The following DYNLRB2 variants were observed in gnomAD, a reference collection of about 807,000 sequenced individuals.
DYNLRB2 encodes the protein dynein light chain roadblock-type 2.
Under a neutral mutation model 12.6 loss-of-function variants are expected in DYNLRB2, and 14 were observed. The ratio of observed to expected loss-of-function variants is 1.11; its 90% CI spans 0.73 to 1.73. DYNLRB2 has a LOEUF of 1.73. DYNLRB2 is among the 40% of genes most tolerant of loss of function. DYNLRB2 has a pLI of 0.00. For missense variants in DYNLRB2, 142 were observed against 117.7 expected (o/e 1.21, Z -0.95); for synonymous variants, 53 against 37.0 (o/e 1.43, Z -1.57).
chr16:80,548,947 G>T (rs1185149370), intron 2 of DYNLRB2: 1 of 456,024 alleles, frequency 2.2e-6, no homozygotes, highest in Admixed American at 2.3e-5. Flanking sequence ...CCTCAGGGAA[G>T]AAGACTAACA....
chr16:80,550,449 C>G, intron 3 of DYNLRB2, 66 bp from the exon 4 acceptor site: 1 of 1,584,200 alleles, frequency 6.3e-7, no homozygotes, highest in Non-Finnish European at 8.7e-7. Flanking sequence ...AAAAAGAAGA[C>G]TAGTTGAAAT....
rs77727997 is a variant in DYNLRB2, at chr16:80,541,032, G to C, written c.-45G>C. 6.2e-7 allele frequency: 1 copy of C among 1,601,314 alleles called. No individual in the cohort carries two copies. The highest frequency in any genetic ancestry group is 8.5e-7 in the Non-Finnish European group (1 of 1,172,296). On this transcript the variant is annotated 5_prime_UTR_variant, in exon 1 of 4. Transcript: ENST00000305904. The stretch of plus-strand genomic sequence containing the variant: ...GCGGGTAGCGTTGTTGACATCCCGG[G>C]AGGCTGTGCCGCCGGCCTGAGCCCA...
intron 1 of DYNLRB2, among the ~76,000 whole-genome samples, chr16:80,542,256 T>C (rs780791630): frequency 4.6e-5 from 7 of 152,220 alleles, no homozygotes; most frequent in Non-Finnish European, 7.3e-5. Flanking sequence ...AATGCATTTA[T>C]TTAAGCTTTT....
intron 2 of DYNLRB2, among the ~76,000 whole-genome samples, chr16:80,547,137 T>TCAAC (rs1904523345): frequency 6.6e-6 from 1 of 152,220 alleles, no homozygotes; most frequent in Non-Finnish European, 1.5e-5. Context: ...AAACACCCAT[T>TCAAC]CAACCGACTG....
chr16:80,550,451 A>G, intron 3 of DYNLRB2, 64 bp from the exon 4 acceptor site: 1 of 1,587,320 alleles, frequency 6.3e-7, no homozygotes, highest in Non-Finnish European at 8.7e-7. Flanking sequence ...AAAGAAGACT[A>G]GTTGAAATAT....
At chr16:80,543,410 C>A (rs905444224) in intron 2 of DYNLRB2, 59 bp downstream of exon 2, 1 of 1,539,642 alleles carries the variant, frequency 6.5e-7, no homozygotes, top group East Asian at 2.3e-5. Context: ...ACCTGTTTGC[C>A]GTGTTAGTCC....
intron 1 of DYNLRB2, among the ~76,000 whole-genome samples, chr16:80,541,690 C>T (rs949718203): frequency 6.7e-6 from 1 of 149,274 alleles, no homozygotes; most frequent in African/African-American, 2.5e-5. Flanking sequence ...ATACTAGGAG[C>T]ACTTACAAAT....
intron 1 of DYNLRB2, among the ~76,000 whole-genome samples, chr16:80,542,486 T>C (rs992678919): frequency 3.9e-5 from 6 of 152,178 alleles, no homozygotes; most frequent in African/African-American, 1.4e-4. Flanking sequence ...AAAAAGAATA[T>C]AGCAAACCCT....
At chr16:80,546,338 A>G (rs78930220) in intron 2 of DYNLRB2, among the ~76,000 whole-genome samples, 34,237 of 152,158 alleles carry the variant, frequency 0.23, 4,028 homozygotes, top group Middle Eastern at 0.3. Flanking sequence ...ATGGTGTTTT[A>G]TGTATTCTTG....
intron 3 of DYNLRB2, 136 bp downstream of exon 3, chr16:80,549,787 T>G: frequency 9.9e-7 from 1 of 1,005,726 alleles, no homozygotes; most frequent in African/African-American, 1.6e-5. Context: ...AAATGATGTT[T>G]GAATGTAAAA....
chr16:80,543,320 G>C lies in DYNLRB2; in HGVS notation c.48G>C (p.Gly16=). 2 of 1,613,980 alleles carry C rather than the reference G, an allele frequency of 1.2e-6. No homozygotes were observed. The highest frequency in any genetic ancestry group is 2.7e-5 in the African/African-American group (2 of 75,028). Residue 16 remains glycine (G), a synonymous_variant, in exon 2 of 4, where the codon GGG becomes GGC. Coordinates refer to ENST00000305904, the MANE Select transcript of DYNLRB2 (RefSeq NM_130897.3). The part of the protein sequence containing the change: ...ETLKRIQSHK[G]VIGTMVVNAE... ...TAAAGAGGATCCAGAGTCATAAAGG[G>C]GTTATTGGAACTATGGTTGTAAATG...
At chr16:80,540,799 A>C (rs1294606780), upstream of DYNLRB2, 3 of 705,654 alleles carry the variant, frequency 4.3e-6, no homozygotes, top group Non-Finnish European at 7.8e-6. Flanking sequence ...CGGGAGCCTG[A>C]CCCACTTCCC....
rs752435744 is a variant in DYNLRB2, at chr16:80,545,565, T to C, written c.79+2214T>C. Among the ~76,000 whole-genome samples, 5 of 151,928 alleles carry C rather than the reference T, an allele frequency of 3.3e-5. No homozygotes were observed. In the South Asian group the frequency reaches 1.0e-3, roughly 32 times the overall value. ...ATGTTACAGTGATCACCCTGGGTAG[T>C]GAGATGAAAAGTGATTTTCACTTTA... On this transcript the variant is annotated intron_variant, in intron 2 of 3. Coordinates refer to ENST00000305904, the MANE Select transcript of DYNLRB2 (RefSeq NM_130897.3).
intron 2 of DYNLRB2, 109 bp downstream of exon 2, chr16:80,543,460 T>G (rs1462869317): frequency 3.0e-6 from 3 of 1,005,072 alleles, no homozygotes; most frequent in Non-Finnish European, 4.4e-6. Context: ...AAAAATATAT[T>G]TATATATTTT....
chr16:80,544,703 C>G (rs1904344816), intron 2 of DYNLRB2: 1 of 152,206 alleles, frequency 6.6e-6, no homozygotes, highest in Admixed American at 6.5e-5. Context: ...TCTTCCAGTT[C>G]TGGAGGTTAG....
At chr16:80,547,955 C>A in intron 2 of DYNLRB2, 1 of 326,146 alleles carries the variant, frequency 3.1e-6, no homozygotes, top group Non-Finnish European at 6.0e-6. Context: ...AAAGAGAAAT[C>A]AGTCTTCAAA....
At chr16:80,545,323 A>G (rs944526265) in intron 2 of DYNLRB2, among the ~76,000 whole-genome samples, 7 of 152,156 alleles carry the variant, frequency 4.6e-5, no homozygotes, top group Admixed American at 4.6e-4. Context: ...AAGTAAATAA[A>G]TGTATCCTAA....
At chr16:80,549,710 C>G in intron 3 of DYNLRB2, 59 bp downstream of exon 3, 1 of 1,500,932 alleles carries the variant, frequency 6.7e-7, no homozygotes, top group Non-Finnish European at 9.0e-7. Flanking sequence ...GATTAAAAGC[C>G]TTGTTTCTAT....
chr16:80,542,527 C>T (rs906663034), intron 1 of DYNLRB2, among the ~76,000 whole-genome samples: 1 of 152,154 alleles, frequency 6.6e-6, no homozygotes, highest in Non-Finnish European at 1.5e-5. Flanking sequence ...TTCAAAATAT[C>T]CAGTGATTGC....
Sources: gnomAD v4.1 joint callset for allele counts (sites outside exome capture counted in the v4.1 genomes callset) on GRCh38, gnomAD v4.1.1 for gene constraint, MANE v1.5 for transcripts, NCBI Gene and HGNC (gene_info 2026-07-23, HGNC 2026-07-21) for gene names.